KSR2: variants seen among roughly 807,000 people sequenced by gnomAD.
KSR2 encodes the protein kinase suppressor of ras 2.
A neutral mutation model predicts 107.8 loss-of-function variants in KSR2; 25 were observed. The observed-to-expected ratio is 0.23, with a 90% CI of 0.17 to 0.32. The LOEUF (loss-of-function observed/expected upper bound fraction) is 0.32. Ranked by LOEUF, KSR2 falls within the 10% of genes least tolerant of loss-of-function variation. The pLI, the probability that KSR2 is intolerant of heterozygous loss-of-function variation, is 1.00. For missense variants in KSR2, 887 were observed against 1,268.9 expected (o/e 0.70, Z 4.57); for synonymous variants, 480 against 507.0 (o/e 0.95, Z 0.71).
intron 5 of KSR2, among the ~76,000 whole-genome samples, chr12:117,661,589 A>G (rs145146724): frequency 6.6e-6 from 1 of 152,230 alleles, no homozygotes; most frequent in East Asian, 1.9e-4. Flanking sequence ...TTTAAAAAAA[A>G]CTGCCATATA....
intron 19 of KSR2, chr12:117,467,831 T>A (rs1365501609): frequency 2.5e-4 from 98 of 385,242 alleles, no homozygotes; most frequent in Middle Eastern, 1.6e-3. Flanking sequence ...ATAGGCTGAA[T>A]AAAAAAAAAA....
intron 5 of KSR2, among the ~76,000 whole-genome samples, chr12:117,595,420 A>T (rs904645971): frequency 4.0e-5 from 5 of 126,178 alleles, no homozygotes; most frequent in Non-Finnish European, 7.7e-5. Context: ...TGCGGACTGC[A>T]GTGGCGCAAT....
chr12:117,929,132 T>C (rs1020165315), intron 1 of KSR2, among the ~76,000 whole-genome samples: 5 of 152,228 alleles, frequency 3.3e-5, no homozygotes, highest in Non-Finnish European at 7.3e-5. Context: ...GCATCTCAAT[T>C]ACTTCAGGTT....
intron 3 of KSR2, among the ~76,000 whole-genome samples, chr12:117,793,435 A>C (rs897200480): frequency 4.7e-5 from 7 of 149,564 alleles, no homozygotes; most frequent in Non-Finnish European, 8.9e-5. Context: ...ACACACACCA[A>C]CATGCACACT....
intron 4 of KSR2, among the ~76,000 whole-genome samples, chr12:117,670,213 A>T (rs1884845901): frequency 2.0e-5 from 3 of 152,316 alleles, no homozygotes; most frequent in African/African-American, 7.2e-5. Flanking sequence ...AACTTTATCA[A>T]ACAGGAGGCT....
intron 3 of KSR2, among the ~76,000 whole-genome samples, chr12:117,800,744 T>A (rs1890804125): frequency 6.6e-6 from 1 of 152,002 alleles, no homozygotes; most frequent in African/African-American, 2.4e-5. Flanking sequence ...ATGCTCTCCC[T>A]CCCCTTTTCC....
chr12:117,956,025 C>T (rs778783556), intron 1 of KSR2, among the ~76,000 whole-genome samples: 9 of 150,452 alleles, frequency 6.0e-5, no homozygotes, highest in East Asian at 5.9e-4. Flanking sequence ...CCGAGACGGG[C>T]GGATCATGAG....
intron 5 of KSR2, among the ~76,000 whole-genome samples, chr12:117,632,218 C>CTT (rs544594793): frequency 0.12 from 9,740 of 84,060 alleles, 855 homozygotes; most frequent in Middle Eastern, 0.17. Flanking sequence ...AGTCCTACTC[C>CTT]TTTTTTTTTT....
At chr12:117,881,945 C>T (rs867699068) in intron 1 of KSR2, among the ~76,000 whole-genome samples, 1 of 152,210 alleles carries the variant, frequency 6.6e-6, no homozygotes, top group Non-Finnish European at 1.5e-5. Context: ...TACCAAAGTC[C>T]TCCTATTCAG....
intron 1 of KSR2, among the ~76,000 whole-genome samples, chr12:117,903,664 A>G (rs144679253): frequency 6.6e-6 from 1 of 152,326 alleles, no homozygotes; most frequent in East Asian, 1.9e-4. Flanking sequence ...ACATCATCTT[A>G]TCTATTTAAA....
chr12:117,654,986 G>T (rs1050835586), intron 5 of KSR2, among the ~76,000 whole-genome samples: 1 of 152,172 alleles, frequency 6.6e-6, no homozygotes, highest in African/African-American at 2.4e-5. Context: ...ACCTGGCTAC[G>T]GCCACTGCTG....
chr12:117,672,175 C>T (rs1312768289), intron 4 of KSR2, among the ~76,000 whole-genome samples: 2 of 152,218 alleles, frequency 1.3e-5, no homozygotes, highest in Non-Finnish European at 2.9e-5. Context: ...GCCATTTCAT[C>T]CCACGCAAAT....
At chr12:117,671,271 T>C (rs1884893789) in intron 4 of KSR2, among the ~76,000 whole-genome samples, 1 of 152,188 alleles carries the variant, frequency 6.6e-6, no homozygotes, top group Admixed American at 6.5e-5. Flanking sequence ...ATACTCCCTC[T>C]TCCCTCCTAG....
At position 117,555,265 on chromosome 12, in the gene KSR2, G is replaced by A. The variant is rs749112950; in HGVS notation, c.1422C>T (p.Ser474=). ...GAGGGTTGTTGATGTCACACGGAAC[G>A]GACTCTGTCCGGACTAACCTTGCTG... ...GDPARLVRTE[S]VPCDINNPLR... The change falls in exon 9 of 20, where the codon TCC becomes TCT. Residue 474 remains serine, a synonymous_variant. Coordinates refer to ENST00000339824, the MANE Select transcript of KSR2 (RefSeq NM_173598.6). 232 of 1,613,806 alleles carry A rather than the reference G, an allele frequency of 1.4e-4. 1 individual carries two copies. The highest frequency in any genetic ancestry group is 7.4e-5 in the Non-Finnish European group (87 of 1,179,852).
intron 14 of KSR2, among the ~76,000 whole-genome samples, chr12:117,494,186 G>A (rs551363834): frequency 1.3e-5 from 2 of 152,194 alleles, no homozygotes; most frequent in South Asian, 2.1e-4. Flanking sequence ...ATCATGGAGT[G>A]ACAACCAATA....
At chr12:117,652,007 A>G (rs1166012469) in intron 5 of KSR2, among the ~76,000 whole-genome samples, 2 of 152,238 alleles carry the variant, frequency 1.3e-5, no homozygotes, top group Non-Finnish European at 2.9e-5. Flanking sequence ...AATGGACAGC[A>G]AAGGCAAAGT....
At chr12:117,655,351 T>G (rs1250402412) in intron 5 of KSR2, among the ~76,000 whole-genome samples, 3 of 152,190 alleles carry the variant, frequency 2.0e-5, no homozygotes, top group Non-Finnish European at 4.4e-5. Flanking sequence ...ATGTTCCCCA[T>G]CATCCTGAAG....
chr12:117,672,115 C>A (rs1234661934), intron 4 of KSR2, among the ~76,000 whole-genome samples: 2 of 152,160 alleles, frequency 1.3e-5, no homozygotes, highest in African/African-American at 2.4e-5. Context: ...CGGACTCTTT[C>A]CTGCCCATGG....
intron 1 of KSR2, among the ~76,000 whole-genome samples, chr12:117,866,237 A>G (rs1008594434): frequency 4.0e-5 from 6 of 151,756 alleles, no homozygotes; most frequent in African/African-American, 1.5e-4. Context: ...AATTTTTTGT[A>G]GAGACGGGCT....
Sources: allele counts gnomAD v4.1 joint callset (sites outside exome capture counted in the v4.1 genomes callset), GRCh38; gene constraint gnomAD v4.1.1; transcripts MANE v1.5; gene names NCBI Gene and HGNC (gene_info 2026-07-23, HGNC 2026-07-21).